DYNC2H1: variants seen among roughly 807,000 people sequenced by gnomAD.
DYNC2H1 encodes the protein cytoplasmic dynein 2 heavy chain 1.
In DYNC2H1, 410 loss-of-function variants were observed where a neutral mutation model predicts 570.0. That is an observed-to-expected ratio of 0.72 (90% CI 0.66 to 0.78). The LOEUF (loss-of-function observed/expected upper bound fraction) is 0.78. Ranked by LOEUF, DYNC2H1 falls within the 30% of genes least tolerant of loss-of-function variation. DYNC2H1 has a pLI of 0.00. For synonymous variants in DYNC2H1, 1,688 were observed against 1,677.6 expected (o/e 1.01, Z -0.15); for missense variants, 4,865 against 5,046.4 (o/e 0.96, Z 1.09).
At chr11:103,448,374 C>G (rs1944496036) in intron 85 of DYNC2H1, among the ~76,000 whole-genome samples, 1 of 152,118 alleles carries the variant, frequency 6.6e-6, no homozygotes, top group Admixed American at 6.5e-5. Flanking sequence ...AAAGATACCT[C>G]TTCCACAGGA....
intron 43 of DYNC2H1, 142 bp downstream of exon 43, chr11:103,187,728 G>T: frequency 9.4e-7 from 1 of 1,060,836 alleles, no homozygotes; most frequent in Non-Finnish European, 1.3e-6. Context: ...AAACACTTCA[G>T]TCTTGTTCCA....
intron 84 of DYNC2H1, among the ~76,000 whole-genome samples, chr11:103,400,575 T>G (rs1210696402): frequency 6.6e-6 from 1 of 152,218 alleles, no homozygotes; most frequent in African/African-American, 2.4e-5. Flanking sequence ...CACAGATTTA[T>G]TTTAGCTGTT....
At chr11:103,237,413 CTGTTT>C (rs1442497382) in intron 63 of DYNC2H1, among the ~76,000 whole-genome samples, 1 of 151,882 alleles carries the variant, frequency 6.6e-6, no homozygotes, top group Non-Finnish European at 1.5e-5. Flanking sequence ...ATAATTTGTT[CTGTTT>C]TATTAGACCT....
At chr11:103,174,283 T>G in intron 36 of DYNC2H1, 113 bp downstream of exon 36, 1 of 722,776 alleles carries the variant, frequency 1.4e-6, no homozygotes, top group Non-Finnish European at 2.1e-6. Flanking sequence ...GATTACTGTA[T>G]ACCCTGCCCC....
intron 65 of DYNC2H1, among the ~76,000 whole-genome samples, chr11:103,251,055 G>T (rs1277718495): frequency 1.3e-5 from 2 of 151,906 alleles, no homozygotes; most frequent in African/African-American, 4.8e-5. Context: ...TGTCAAGTTT[G>T]TTAATTGTGA....
chr11:103,122,968 A>G lies in DYNC2H1; in HGVS notation c.1629A>G (p.Gln543=), dbSNP rs765522486. 4 of 1,569,580 alleles carry G rather than the reference A, an allele frequency of 2.5e-6. No homozygotes were observed. In the African/African-American group the frequency reaches 4.1e-5, roughly 16 times the overall value. The change falls in exon 11 of 89, where the codon CAA becomes CAG. Residue 543 remains glutamine, a synonymous_variant. Transcript: ENST00000375735. ...EQFDDWSRDI[Q]SGLSDSRSGL... ...TTGATGATTGGTCCAGGGATATTCAATCAGGTTTATCTGATTCCAGATCTG... is the reference window on the plus strand; with the variant it reads ...TTGATGATTGGTCCAGGGATATTCAGTCAGGTTTATCTGATTCCAGATCTG...
intron 84 of DYNC2H1, among the ~76,000 whole-genome samples, chr11:103,424,205 A>T (rs1256173460): frequency 1.3e-5 from 2 of 152,094 alleles, no homozygotes; most frequent in African/African-American, 2.4e-5. Flanking sequence ...ATTAAAACCC[A>T]CTAAATCATA....
intron 83 of DYNC2H1, among the ~76,000 whole-genome samples, chr11:103,391,548 G>A (rs529012505): frequency 2.9e-4 from 44 of 152,330 alleles, no homozygotes; most frequent in African/African-American, 7.0e-4. Context: ...AAGGAGCTGT[G>A]TTCCTTTGGA....
chr11:103,233,869 TGTGTGTGTGGG>T (rs1864115779), intron 60 of DYNC2H1, among the ~76,000 whole-genome samples, 154 bp from the exon 61 acceptor site: 1 of 124,518 alleles, frequency 8.0e-6, no homozygotes, highest in African/African-American at 3.1e-5. Flanking sequence ...TGTGTGTGTG[TGTGTGTGTGGG>T]TTTGTCTCTT....
intron 82 of DYNC2H1, among the ~76,000 whole-genome samples, chr11:103,343,212 C>T (rs1247525001): frequency 6.6e-6 from 1 of 152,154 alleles, no homozygotes; most frequent in African/African-American, 2.4e-5. Flanking sequence ...GTTTCGTTGA[C>T]CCTGCAGCCA....
intron 17 of DYNC2H1, 33 bp downstream of exon 17, chr11:103,135,981 A>C: frequency 6.8e-7 from 1 of 1,473,648 alleles, no homozygotes; most frequent in South Asian, 1.5e-5. Flanking sequence ...TCCTTCCATC[A>C]TAAAATTATT....
At chr11:103,221,016 GA>G (rs1273992373) in intron 57 of DYNC2H1, among the ~76,000 whole-genome samples, 3 of 152,046 alleles carry the variant, frequency 2.0e-5, no homozygotes, top group African/African-American at 7.2e-5. Flanking sequence ...GAATACCTTA[GA>G]ATGTTTAAGA....
At chr11:103,206,088 A>G (rs1007392918) in intron 52 of DYNC2H1, among the ~76,000 whole-genome samples, 4 of 152,166 alleles carry the variant, frequency 2.6e-5, no homozygotes, top group Non-Finnish European at 5.9e-5. Context: ...AGAGAAAAGG[A>G]TAGGTTGGGC....
At chr11:103,278,051 G>A (rs1371789993) in intron 70 of DYNC2H1, among the ~76,000 whole-genome samples, 1 of 152,136 alleles carries the variant, frequency 6.6e-6, no homozygotes, top group Non-Finnish European at 1.5e-5. Flanking sequence ...GCCATAGCTG[G>A]TTTTAATGCC....
At chr11:103,301,453 G>C (rs533317554) in intron 75 of DYNC2H1, among the ~76,000 whole-genome samples, 1 of 152,018 alleles carries the variant, frequency 6.6e-6, no homozygotes, top group Admixed American at 6.6e-5. Context: ...ATAAATAACT[G>C]AATGCTTGAA....
At chr11:103,345,794 G>T (rs891972919) in intron 82 of DYNC2H1, among the ~76,000 whole-genome samples, 1 of 152,096 alleles carries the variant, frequency 6.6e-6, no homozygotes. Context: ...ATAGACTACT[G>T]GGGAGTAAGA....
At chr11:103,231,144 A>G (rs1257715138) in intron 59 of DYNC2H1, 116 bp from the exon 60 acceptor site, 2 of 537,916 alleles carry the variant, frequency 3.7e-6, no homozygotes, top group Non-Finnish European at 6.4e-6. Flanking sequence ...AAGGTGTTAT[A>G]ATACTGAGTT....
At chr11:103,467,970 A>G (rs1209385157) in intron 87 of DYNC2H1, among the ~76,000 whole-genome samples, 1 of 152,220 alleles carries the variant, frequency 6.6e-6, no homozygotes, top group Non-Finnish European at 1.5e-5. Context: ...TACCTTTAGG[A>G]TAGTCAGGCT....
At chr11:103,468,123 T>C (rs1945253808) in intron 87 of DYNC2H1, among the ~76,000 whole-genome samples, 1 of 152,232 alleles carries the variant, frequency 6.6e-6, no homozygotes, top group African/African-American at 2.4e-5. Context: ...CTTTCTTCTC[T>C]TTAATTCTTC....
Sources: allele counts gnomAD v4.1 joint callset (sites outside exome capture counted in the v4.1 genomes callset), GRCh38; gene constraint gnomAD v4.1.1; transcripts MANE v1.5; gene names NCBI Gene and HGNC (gene_info 2026-07-23, HGNC 2026-07-21).